Variants in ATXN2 observed in about 807,000 individuals in gnomAD.
ATXN2 encodes ataxin 2, also known as ataxin-2.
ATXN2 carries 37 observed loss-of-function variants against 138.6 expected under a neutral mutation model. That is an observed-to-expected ratio of 0.27 (90% CI 0.21 to 0.35). The LOEUF is 0.35. Among genes scored for constraint, ATXN2 ranks in the 10% least tolerant of loss-of-function variants. ATXN2 has a pLI of 1.00. For synonymous variants in ATXN2, 549 were observed against 543.7 expected (o/e 1.01, Z -0.13); for missense variants, 1,216 against 1,480.3 (o/e 0.82, Z 2.93).
chr12:111,540,483 C>T (rs1053101372), intron 5 of ATXN2, among the ~76,000 whole-genome samples: 7 of 150,698 alleles, frequency 4.6e-5, no homozygotes, highest in East Asian at 3.9e-4. Context: ...TACCATTCAG[C>T]GCAAGCTGAT....
chr12:111,572,347 G>A (rs1231695354), intron 1 of ATXN2, among the ~76,000 whole-genome samples: 2 of 151,814 alleles, frequency 1.3e-5, no homozygotes, highest in African/African-American at 2.4e-5. Flanking sequence ...GTTGCAGTGA[G>A]CCAAGATGGC....
chr12:111,474,344 C>T (rs535451644), intron 18 of ATXN2, among the ~76,000 whole-genome samples: 1 of 151,784 alleles, frequency 6.6e-6, no homozygotes, highest in Non-Finnish European at 1.5e-5. Flanking sequence ...TAACTTAAGC[C>T]CTGGAATTTA....
At chr12:111,510,663 A>G (rs1161393499) in intron 11 of ATXN2, 81 bp from the exon 12 acceptor site, 2 of 1,292,034 alleles carry the variant, frequency 1.5e-6, no homozygotes, top group African/African-American at 3.0e-5. Context: ...TTCTCTGAAG[A>G]TCTAGGTAAA....
intron 5 of ATXN2, among the ~76,000 whole-genome samples, chr12:111,531,137 G>A (rs988516080): frequency 3.9e-5 from 6 of 152,100 alleles, no homozygotes; most frequent in Non-Finnish European, 5.9e-5. Flanking sequence ...TCAACAGGCT[G>A]GGCACAGTGG....
chr12:111,581,550 T>C (rs1462338069), intron 1 of ATXN2: 5 of 963,902 alleles, frequency 5.2e-6, no homozygotes, highest in Non-Finnish European at 8.5e-6. Flanking sequence ...CCCGACCATG[T>C]CGTCTGGTCC....
chr12:111,485,647 A>T, intron 17 of ATXN2, 66 bp downstream of exon 17: 2 of 1,574,266 alleles, frequency 1.3e-6, no homozygotes, highest in Non-Finnish European at 1.7e-6. Flanking sequence ...TGAAAACCTA[A>T]AGAGTGCTTG....
chr12:111,578,624 A>G (rs1430483407), intron 1 of ATXN2, among the ~76,000 whole-genome samples: 1 of 152,174 alleles, frequency 6.6e-6, no homozygotes, highest in East Asian at 1.9e-4. Context: ...AAATTTCTCA[A>G]AACACATCCC....
chr12:111,509,973 C>T lies in ATXN2; in HGVS notation c.1782G>A (p.Gln594=). The change falls in exon 13 of 25, where the codon CAG becomes CAA. Residue 594 remains glutamine, a synonymous_variant. Transcript: ENST00000673436. ...TATTCCCTGCAGGAGAGTTCTGCCT[C>T]TGATCTTGAAGCCTGGAATCTTTAG... ...SEAKDSRLQD[Q]RQNSPAGNKE... is the part of the protein sequence containing the mutation. 1 of 1,611,104 alleles carries T rather than the reference C, an allele frequency of 6.2e-7. No homozygotes were observed. The highest frequency in any genetic ancestry group is 8.5e-7 in the Non-Finnish European group (1 of 1,178,816).
intron 1 of ATXN2, among the ~76,000 whole-genome samples, chr12:111,570,392 CTCTT>C (rs1022567789): frequency 5.9e-4 from 89 of 152,010 alleles, no homozygotes; most frequent in African/African-American, 2.1e-3. Context: ...TCCAGCTGTT[CTCTT>C]TCTAAATACG....
rs550913584 is a variant in ATXN2 at position 111,453,917 on chromosome 12, T to C, written c.3271-72A>G. ...CAACAACATGTCAACTGTGTTCCTTTCACTGGGCTGGGACTCTCAGGAAAG... is the reference window on the plus strand; with the variant it reads ...CAACAACATGTCAACTGTGTTCCTTCCACTGGGCTGGGACTCTCAGGAAAG... On this transcript the variant is annotated intron_variant, in intron 23 of 24. Coordinates refer to ENST00000673436, the MANE Select transcript of ATXN2 (RefSeq NM_001372574.1). This position sits in a 1 kb window ranked among gnomAD's most constrained non-coding sequence, Gnocchi z 5.4. 2.7e-6 allele frequency: 4 copies of C among 1,488,870 alleles called. No homozygotes were observed. In the East Asian group the frequency reaches 9.4e-5, roughly 35 times the overall value. 92.2% of individuals were successfully genotyped at this position (1,488,870 alleles called of 1,614,324 possible).
At chr12:111,571,736 G>A (rs1351880629) in intron 1 of ATXN2, among the ~76,000 whole-genome samples, 1 of 152,122 alleles carries the variant, frequency 6.6e-6, no homozygotes, top group African/African-American at 2.4e-5. Context: ...AGAGCTTTTA[G>A]GTCAGGCACG....
At chr12:111,592,112 G>T (rs117264757) in intron 1 of ATXN2, among the ~76,000 whole-genome samples, 1 of 150,982 alleles carries the variant, frequency 6.6e-6, no homozygotes, top group African/African-American at 2.4e-5. Context: ...CATGAGGCTG[G>T]GCGGGGGTGG....
Position 111,453,430 on chromosome 12 carries a change from TTGCTGC to T in ATXN2, c.3439+241_3439+246del, listed in dbSNP as rs1052664779. The T allele has an allele frequency of 6.4e-4, 796 of 1,246,880 alleles. 2 individuals are homozygous for T. Among genetic ancestry groups the T allele is most frequent in the Admixed American group, 1.9e-3 (45 of 24,132 alleles). The allele number at this position is 1,246,880 out of a possible 1,614,324, so 77.2% of individuals were successfully genotyped here. A position where few individuals can be genotyped will look rare whatever the true frequency, so the allele number is the denominator to read the frequency against. ...GTCCTAGGCATGCATCAGGCTGCTG[TTGCTGC>T]TGCTGCTGCTTCTCATCAAGCCAAA... On this transcript the variant is annotated intron_variant, in intron 24 of 24. Transcript: ENST00000673436. The surrounding 1 kb of genome is among the most constrained non-coding windows in gnomAD (Gnocchi z 5.4).
At chr12:111,596,889 T>G (rs796805613) in intron 1 of ATXN2, among the ~76,000 whole-genome samples, 2 of 152,232 alleles carry the variant, frequency 1.3e-5, no homozygotes, top group Non-Finnish European at 2.9e-5. Context: ...TTTTTAAGCC[T>G]AGTAGTCAAT....
In ATXN2 at chr12:111,456,206, CT is replaced by C; in HGVS notation, c.3092del (p.Gln1031ArgfsTer17). 1 of 1,614,246 alleles carries C rather than the reference CT, an allele frequency of 6.2e-7. No individual in the cohort carries two copies. On this transcript the variant is annotated frameshift_variant, in exon 23 of 25. Coordinates refer to ENST00000673436, the MANE Select transcript of ATXN2 (RefSeq NM_001372574.1). LOFTEE classifies it high-confidence loss of function. ...GCCCCGCGTGGTAAATGGCTGACTG[CT>C]GCTGTGGACTGGCCAGATGGAGAGC... ...AQALHLASPQ[Q>X]QSAIYHAGLA...
chr12:111,534,390 A>T (rs1206402932), intron 5 of ATXN2, among the ~76,000 whole-genome samples: 1 of 152,154 alleles, frequency 6.6e-6, no homozygotes, highest in Non-Finnish European at 1.5e-5. Flanking sequence ...TGATAGAGTG[A>T]GACCCCGTAT....
chr12:111,485,368 C>T, intron 17 of ATXN2, 37 bp from the exon 18 acceptor site: 1 of 1,542,100 alleles, frequency 6.5e-7, no homozygotes, highest in South Asian at 1.1e-5. Context: ...CATTAGGCAC[C>T]TATGATAATA....
chr12:111,563,780 T>C (rs2135801972), intron 1 of ATXN2, among the ~76,000 whole-genome samples: 1 of 152,314 alleles, frequency 6.6e-6, no homozygotes, highest in African/African-American at 2.4e-5. Context: ...TAATGCATTG[T>C]CCAAGGCATT....
rs914364102 is a variant in ATXN2, at chr12:111,599,184, G to A, written c.-150C>T. 1.7e-6 allele frequency: 2 copies of A among 1,204,104 alleles called. No homozygotes were observed. The highest frequency in any genetic ancestry group is 4.1e-5 in the South Asian group (1 of 24,502). 74.6% of individuals were successfully genotyped at this position (1,204,104 alleles called of 1,614,324 possible). On this transcript the variant is annotated 5_prime_UTR_variant, in exon 1 of 25. Transcript: ENST00000673436. ...GCCGGAGGGGCGCCCGGGCTGGCGAGGGGGAGAAGGAGGACGACGAAGGGG... is the reference window on the plus strand; with the variant it reads ...GCCGGAGGGGCGCCCGGGCTGGCGAAGGGGAGAAGGAGGACGACGAAGGGG...
Sources: allele counts gnomAD v4.1 joint callset (sites outside exome capture counted in the v4.1 genomes callset), GRCh38; gene constraint gnomAD v4.1.1; non-coding constraint Gnocchi (gnomAD v3.1); transcripts MANE v1.5; gene names NCBI Gene and HGNC (gene_info 2026-07-23, HGNC 2026-07-21).